SNPH: variants seen among roughly 807,000 people sequenced by gnomAD.
The protein encoded by SNPH is syntaphilin.
A neutral mutation model predicts 36.8 loss-of-function variants in SNPH; 10 were observed. The observed-to-expected ratio is 0.27, with a 90% CI of 0.17 to 0.46. The LOEUF (loss-of-function observed/expected upper bound fraction) is 0.46, where lower values mean the gene tolerates loss of function less well. Among genes scored for constraint, SNPH ranks in the 20% least tolerant of loss-of-function variants. The probability of loss-of-function intolerance (pLI) is 1.00; values close to 1 mark genes in which losing one functional copy is unlikely to be tolerated. For missense variants in SNPH, 622 were observed against 744.0 expected (o/e 0.84, Z 1.91); for synonymous variants, 281 against 312.2 (o/e 0.90, Z 1.05).
At chr20:1,270,586 G>A (rs1463994641) in intron 2 of SNPH, among the ~76,000 whole-genome samples, 1 of 152,168 alleles carries the variant, frequency 6.6e-6, no homozygotes, top group Non-Finnish European at 1.5e-5. Context: ...TGGAGTCTAG[G>A]GGACTATCCA....
intron 2 of SNPH, among the ~76,000 whole-genome samples, chr20:1,289,438 G>A (rs1312258332): frequency 6.6e-6 from 1 of 151,888 alleles, no homozygotes; most frequent in Non-Finnish European, 1.5e-5. Flanking sequence ...GCAACTTGCT[G>A]AGCCATTCTG....
At position 1,305,968 on chromosome 20, in the gene SNPH, G is replaced by A; in HGVS notation, c.1531G>A (p.Val511Met). ...ISSLLRGCCT[V>M]ALHSIRRISC... ...CTCCCTGCTGCGGGGCTGCTGCACT[G>A]TGGCCTTGCACTCCATCCGCAGGAT... The change falls in exon 7 of 7, where the codon GTG (valine) becomes ATG (methionine). Residue 511 changes from valine to methionine, a missense_variant. Physicochemically the swap from Val to Met is conservative, Grantham distance 21. Coordinates refer to ENST00000381867, the MANE Select transcript of SNPH (RefSeq NM_001318234.2). 1.3e-6 allele frequency: 2 copies of A among 1,559,764 alleles called. No homozygotes were observed. The highest frequency in any genetic ancestry group is 1.7e-6 in the Non-Finnish European group (2 of 1,153,160).
At chr20:1,299,629 C>T (rs2088480859) in intron 5 of SNPH, among the ~76,000 whole-genome samples, 1 of 152,238 alleles carries the variant, frequency 6.6e-6, no homozygotes, top group Non-Finnish European at 1.5e-5. Context: ...GAGCAGTGCA[C>T]TTCCAGCCTG....
At chr20:1,271,532 G>A (rs555856809) in intron 2 of SNPH, among the ~76,000 whole-genome samples, 10 of 152,208 alleles carry the variant, frequency 6.6e-5, no homozygotes, top group Middle Eastern at 3.4e-3. Context: ...AGTAGAGAGG[G>A]GGTTTCACCA....
Position 1,285,322 on chromosome 20 carries a change from CCTTTT to C in SNPH, c.-492-9623_-492-9619del, listed in dbSNP as rs2122324215. On this transcript the variant is annotated intron_variant, in intron 2 of 6. Transcript: ENST00000381867. This position sits in a 1 kb window ranked among gnomAD's most constrained non-coding sequence, Gnocchi z 4.9. ...AATGACCGGTTTAGGGTTTTTCTTTCCTTTTCTTTTTTTGCAAGTAGACTTAAGAA... is the reference window on the plus strand; with the variant it reads ...AATGACCGGTTTAGGGTTTTTCTTTCCTTTTTTTGCAAGTAGACTTAAGAA... 6.6e-6 allele frequency among the ~76,000 whole-genome samples: 1 copy of C among 152,164 alleles called. No homozygotes were observed. The highest frequency in any genetic ancestry group is 2.1e-4 in the South Asian group (1 of 4,824).
At chr20:1,295,402 G>T (rs1375798743) in intron 3 of SNPH, among the ~76,000 whole-genome samples, 2 of 152,194 alleles carry the variant, frequency 1.3e-5, no homozygotes, top group Non-Finnish European at 2.9e-5. Context: ...TTAGCAAGAG[G>T]CCCAGTGATG....
chr20:1,297,092 C>G, intron 4 of SNPH, 53 bp from the exon 5 acceptor site: 2 of 1,560,756 alleles, frequency 1.3e-6, no homozygotes, highest in Non-Finnish European at 1.7e-6. Context: ...CGCCCAGTGT[C>G]CGCAGCTGCC....
intron 2 of SNPH, among the ~76,000 whole-genome samples, chr20:1,278,065 TGTGTATC>T: frequency 7.5e-6 from 1 of 134,022 alleles, no homozygotes; most frequent in African/African-American, 3.1e-5. Flanking sequence ...TGTGTCTGTG[TGTGTATC>T]TGTGTGTGTC....
intron 2 of SNPH, among the ~76,000 whole-genome samples, chr20:1,284,624 C>T (rs374813851): frequency 2.0e-5 from 3 of 151,954 alleles, no homozygotes; most frequent in African/African-American, 7.3e-5. Flanking sequence ...GGAGCAAAGA[C>T]CTGAAGCAGG....
rs1374619871 is a variant in SNPH at position 1,294,420 on chromosome 20, G to C, written c.-492-531G>C. 6.6e-6 allele frequency among the ~76,000 whole-genome samples: 1 copy of C among 152,184 alleles called. No individual in the cohort carries two copies. Among genetic ancestry groups the C allele is most frequent in the African/African-American group, 2.4e-5 (1 of 41,448 alleles). ...ATCCTCACAAGCATGGAGGAGCACTGATGTCCTCTTACCCCCAAATCGCCC... is the reference window on the plus strand; with the variant it reads ...ATCCTCACAAGCATGGAGGAGCACTCATGTCCTCTTACCCCCAAATCGCCC... On this transcript the variant is annotated intron_variant, in intron 2 of 6. Coordinates refer to ENST00000381867, the MANE Select transcript of SNPH (RefSeq NM_001318234.2). The surrounding 1 kb of genome is among the most constrained non-coding windows in gnomAD (Gnocchi z 4.4).
chr20:1,277,216 C>T (rs1420627734), intron 2 of SNPH, among the ~76,000 whole-genome samples: 1 of 152,144 alleles, frequency 6.6e-6, no homozygotes, highest in Admixed American at 6.5e-5. Context: ...ACCCCCGTAC[C>T]CAGCACAAAC....
At chr20:1,272,623 C>T (rs543916257) in intron 2 of SNPH, among the ~76,000 whole-genome samples, 1 of 152,264 alleles carries the variant, frequency 6.6e-6, no homozygotes, top group Non-Finnish European at 1.5e-5. Flanking sequence ...GGCCATCCGT[C>T]TGTGACCTCA....
At position 1,305,618 on chromosome 20, in the gene SNPH, A is replaced by G. The variant is rs752323298; in HGVS notation, c.1181A>G (p.Glu394Gly). 6.2e-7 allele frequency: 1 copy of G among 1,613,578 alleles called. No individual in the cohort carries two copies. Among genetic ancestry groups the G allele is most frequent in the Non-Finnish European group, 8.5e-7 (1 of 1,180,028 alleles). ...CCTGAGTCAGGGGACAGGTGCCCAG[A>G]GCTGGATGCCCACCCTTCAGGGCCC... The part of the protein sequence containing the change: ...TDPESGDRCP[E>G]LDAHPSGPRD... Residue 394 changes from glutamate to glycine, a missense_variant, in exon 7 of 7, where the codon GAG becomes GGG. Coordinates refer to ENST00000381867, the MANE Select transcript of SNPH (RefSeq NM_001318234.2).
chr20:1,266,587 C>T lies in SNPH; in HGVS notation c.-599-67C>T. 1 of 1,409,696 alleles carries T rather than the reference C, an allele frequency of 7.1e-7. No homozygotes were observed. The highest frequency in any genetic ancestry group is 9.2e-7 in the Non-Finnish European group (1 of 1,089,000). The allele number at this position is 1,409,696 out of a possible 1,614,324, so 87.3% of individuals were successfully genotyped here. A position where few individuals can be genotyped will look rare whatever the true frequency, so the allele number is the denominator to read the frequency against. ...GCCCAGCTGTCAGCGGCCGGGGGCT[C>T]AGCTGCCTGGGTGTTCCCCGCCCGC... On this transcript the variant is annotated intron_variant, in intron 1 of 6. Coordinates refer to ENST00000381867, the MANE Select transcript of SNPH (RefSeq NM_001318234.2). This position sits in a 1 kb window ranked among gnomAD's most constrained non-coding sequence, Gnocchi z 6.0.
intron 2 of SNPH, among the ~76,000 whole-genome samples, chr20:1,283,678 G>A (rs1412853835): frequency 6.6e-6 from 1 of 152,202 alleles, no homozygotes; most frequent in Non-Finnish European, 1.5e-5. Context: ...TGGGCTGCCA[G>A]TTTGGAATCT....
intron 3 of SNPH, among the ~76,000 whole-genome samples, chr20:1,295,383 C>T (rs1362815939): frequency 2.6e-5 from 4 of 152,198 alleles, no homozygotes; most frequent in Non-Finnish European, 5.9e-5. Context: ...CTTGAGTCTA[C>T]CTGCCCACTT....
intron 2 of SNPH, among the ~76,000 whole-genome samples, chr20:1,269,904 G>T (rs1457264316): frequency 6.6e-6 from 1 of 152,208 alleles, no homozygotes; most frequent in Non-Finnish European, 1.5e-5. Context: ...AAGTGAGAAA[G>T]CCAGGGCAGA....
At chr20:1,300,456 G>T in intron 5 of SNPH, 106 bp from the exon 6 acceptor site, 2 of 1,248,768 alleles carry the variant, frequency 1.6e-6, no homozygotes, top group Non-Finnish European at 2.3e-6. Context: ...GGAGCATCTG[G>T]TGGCCAGGGA....
rs112041885 is a variant in SNPH at position 1,304,950 on chromosome 20, C to A, written c.513C>A (p.His171Gln). ...MQEDWIEEECHRVEAQLALKE... is the reference protein window; with the variant it reads ...MQEDWIEEECQRVEAQLALKE... ...AGGACTGGATTGAGGAGGAGTGCCACCGCGTGGAGGCCCAGCTGGCCCTGA... is the reference window on the plus strand; with the variant it reads ...AGGACTGGATTGAGGAGGAGTGCCAACGCGTGGAGGCCCAGCTGGCCCTGA... Residue 171 changes from histidine to glutamine, a missense_variant, in exon 7 of 7, where the codon CAC becomes CAA. This residue lies in a region of SNPH where 56 missense variants were observed against 106.6 expected (regional missense o/e 0.53). Coordinates refer to ENST00000381867, the MANE Select transcript of SNPH (RefSeq NM_001318234.2). This position sits in a 1 kb window ranked among gnomAD's most constrained non-coding sequence, Gnocchi z 4.3. 10 of 1,613,818 alleles carry A rather than the reference C, an allele frequency of 6.2e-6. No homozygotes were observed. The highest frequency in any genetic ancestry group is 8.5e-6 in the Non-Finnish European group (10 of 1,180,028).
Sources: allele counts gnomAD v4.1 joint callset (sites outside exome capture counted in the v4.1 genomes callset), GRCh38; gene constraint gnomAD v4.1.1; regional missense constraint gnomAD v4.1.1; non-coding constraint Gnocchi (gnomAD v3.1); transcripts MANE v1.5; gene names NCBI Gene and HGNC (gene_info 2026-07-23, HGNC 2026-07-21).